NSD2: variants seen among roughly 807,000 people sequenced by gnomAD.
The protein encoded by NSD2 is histone-lysine N-methyltransferase NSD2.
In NSD2, 12 loss-of-function variants were observed where a neutral mutation model predicts 139.0. The ratio of observed to expected loss-of-function variants is 0.09; its 90% CI spans 0.06 to 0.14. NSD2 has a LOEUF of 0.14. NSD2 is among the 10% of genes least tolerant of loss of function. The pLI, the probability that NSD2 is intolerant of heterozygous loss-of-function variation, is 1.00. For missense variants in NSD2, 1,155 were observed against 1,745.0 expected, an observed-to-expected ratio of 0.66 and a Z score of 6.02; for synonymous variants, 669 against 648.7, an observed-to-expected ratio of 1.03 and a Z score of -0.48.
intron 5 of NSD2, among the ~76,000 whole-genome samples, chr4:1,922,128 T>C (rs889848127): frequency 1.3e-5 from 2 of 152,088 alleles, no homozygotes; most frequent in Admixed American, 6.5e-5. Flanking sequence ...GCCTAGACAA[T>C]AGAATGAGTC....
intron 18 of NSD2, among the ~76,000 whole-genome samples, chr4:1,970,129 C>G (rs1726297913): frequency 6.6e-6 from 1 of 152,126 alleles, no homozygotes; most frequent in African/African-American, 2.4e-5. Context: ...TCAAGCAGGC[C>G]AGAGGATGGT....
intron 7 of NSD2, among the ~76,000 whole-genome samples, chr4:1,936,643 G>C (rs1722432519): frequency 6.7e-6 from 1 of 148,264 alleles, no homozygotes; most frequent in Non-Finnish European, 1.5e-5. Context: ...ACTCCAGCCT[G>C]GGTGACAGAA....
At chr4:1,953,592 T>G (rs1294014988) in intron 12 of NSD2, 68 bp downstream of exon 12, 8 of 1,502,062 alleles carry the variant, frequency 5.3e-6, no homozygotes, top group Non-Finnish European at 7.1e-6. Flanking sequence ...CATGGGCGCT[T>G]GGGAAGGTGG....
At chr4:1,938,396 C>CTTTTTTTTTTTTTTT (rs1191163534) in intron 7 of NSD2, 55 bp from the exon 8 acceptor site, 10 of 992,166 alleles carry the variant, frequency 1.0e-5, no homozygotes, top group South Asian at 8.6e-5. Context: ...TCCTTTTTTT[C>CTTTTTTTTTTTTTTT]TTTTCTTTTT....
intron 1 of NSD2, among the ~76,000 whole-genome samples, chr4:1,871,749 T>G: frequency 1.5e-5 from 2 of 134,282 alleles, no homozygotes; most frequent in East Asian, 2.2e-4. Context: ...CCTGAGAGGG[T>G]CGTGGGGACC....
intron 5 of NSD2, among the ~76,000 whole-genome samples, chr4:1,921,400 A>G (rs1322657888): frequency 6.6e-6 from 1 of 152,216 alleles, no homozygotes; most frequent in Non-Finnish European, 1.5e-5. Flanking sequence ...TGGAGGTTGC[A>G]GTGAGCCAAG....
At chr4:1,891,428 C>T (rs1317928725) in intron 1 of NSD2, among the ~76,000 whole-genome samples, 1 of 152,184 alleles carries the variant, frequency 6.6e-6, no homozygotes, top group Admixed American at 6.5e-5. Context: ...CTGAATATCT[C>T]ACTGCTGTCC....
Position 1,966,635 on chromosome 4 carries a change from T to TGACA in NSD2, c.3372+5487_3372+5490dup, listed in dbSNP as rs1378974596. 2.8e-5 allele frequency among the ~76,000 whole-genome samples: 4 copies of TGACA among 144,940 alleles called. No individual in the cohort carries two copies. In the East Asian group the frequency reaches 8.0e-4, roughly 29 times the overall value. ...TCGTGCCAGTGCACTCCAGCCTGGG[T>TGACA]GACAGAGCAAGACTCTGTCTCAAAA... is the stretch of plus-strand genomic sequence containing the variant. On this transcript the variant is annotated intron_variant, in intron 18 of 21. Transcript: ENST00000508803.
chr4:1,955,229 T>A lies in NSD2; in HGVS notation c.2407T>A (p.Cys803Ser). 1 of 1,614,160 alleles carries A rather than the reference T, an allele frequency of 6.2e-7. No individual in the cohort carries two copies. Among genetic ancestry groups the A allele is most frequent in the Non-Finnish European group, 8.5e-7 (1 of 1,180,018 alleles). The change falls in exon 13 of 22, where the codon TGC (cysteine) becomes AGC (serine). Residue 803 changes from cysteine to serine, a missense_variant. Physicochemically the swap from Cys to Ser is moderately radical, Grantham distance 112. Coordinates refer to ENST00000508803, the MANE Select transcript of NSD2 (RefSeq NM_001042424.3). This position sits in a 1 kb window ranked among gnomAD's most constrained non-coding sequence, Gnocchi z 4.7. ...HSGDACLAAG[C>S]SVIASNSIIC... ...CGGGGATGCTTGTCTGGCAGCAGGA[T>A]GCTCAGTGATCGCCTCCAACAGCAT...
At chr4:1,893,802 C>G (rs1473900567) in intron 1 of NSD2, 1 of 152,274 alleles carries the variant, frequency 6.6e-6, no homozygotes, top group Non-Finnish European at 1.5e-5. Flanking sequence ...GCCTCGTCCT[C>G]CCAAAGTGTT....
chr4:1,909,524 C>T (rs1385618495), intron 3 of NSD2, among the ~76,000 whole-genome samples: 2 of 151,986 alleles, frequency 1.3e-5, no homozygotes, highest in East Asian at 3.8e-4. Context: ...TGGTGAGTGT[C>T]GTTGTTTTGG....
chr4:1,905,349 T>G (rs1166594980), intron 3 of NSD2, among the ~76,000 whole-genome samples: 1 of 152,232 alleles, frequency 6.6e-6, no homozygotes, highest in Non-Finnish European at 1.5e-5. Flanking sequence ...ATCTGATCTG[T>G]GCACCCTCTG....
At chr4:1,969,854 C>T (rs1207894911) in intron 18 of NSD2, among the ~76,000 whole-genome samples, 1 of 152,116 alleles carries the variant, frequency 6.6e-6, no homozygotes, top group Non-Finnish European at 1.5e-5. Context: ...CAGAGATAGC[C>T]AGGCAGAAAG....
At chr4:1,899,395 G>A (rs1341891347) in intron 1 of NSD2, 2 of 152,248 alleles carry the variant, frequency 1.3e-5, no homozygotes, top group African/African-American at 4.8e-5. Flanking sequence ...ACCCATCAGA[G>A]GTCAGGGTCC....
intron 3 of NSD2, 30 bp from the exon 4 acceptor site, chr4:1,916,841 C>G (rs771835213): frequency 2.5e-6 from 4 of 1,578,670 alleles, no homozygotes; most frequent in South Asian, 2.3e-5. Flanking sequence ...TTCTAACTTT[C>G]ATTCTCTAAC....
chr4:1,888,493 G>A (rs1427538985), intron 1 of NSD2, among the ~76,000 whole-genome samples: 6 of 151,204 alleles, frequency 4.0e-5, no homozygotes, highest in South Asian at 2.1e-4. Flanking sequence ...GCTTGGTTGG[G>A]TATATATCAT....
chr4:1,895,023 A>G (rs968902935), intron 1 of NSD2, among the ~76,000 whole-genome samples: 1 of 152,080 alleles, frequency 6.6e-6, no homozygotes, highest in African/African-American at 2.4e-5. Flanking sequence ...ATGTACGTGG[A>G]ATTTTACAGT....
chr4:1,885,026 C>T (rs534942116), intron 1 of NSD2, among the ~76,000 whole-genome samples: 1 of 151,916 alleles, frequency 6.6e-6, no homozygotes, highest in South Asian at 2.1e-4. Flanking sequence ...AGGAGAATCG[C>T]TTGAACCCGG....
At position 1,942,921 on chromosome 4, in the gene NSD2, T is replaced by C; in HGVS notation, c.1881+3143T>C. The C allele has an allele frequency of 9.5e-7, 1 of 1,056,732 alleles. No homozygotes were observed. The highest frequency in any genetic ancestry group is 1.1e-6 in the Non-Finnish European group (1 of 874,022). 65.5% of individuals were successfully genotyped at this position (1,056,732 alleles called of 1,614,324 possible). On this transcript the variant is annotated intron_variant, in intron 9 of 21. Transcript: ENST00000508803. The surrounding 1 kb of genome is among the most constrained non-coding windows in gnomAD (Gnocchi z 4.0). ...CATAAGAGGCAGGAAGAGTTTTGATTCTATCCTTTTTTACTAAACAGTTTT... is the reference window on the plus strand; with the variant it reads ...CATAAGAGGCAGGAAGAGTTTTGATCCTATCCTTTTTTACTAAACAGTTTT...
Sources: allele counts gnomAD v4.1 joint callset (sites outside exome capture counted in the v4.1 genomes callset), GRCh38; gene constraint gnomAD v4.1.1; non-coding constraint Gnocchi (gnomAD v3.1); transcripts MANE v1.5; gene names NCBI Gene and HGNC (gene_info 2026-07-23, HGNC 2026-07-21).